SRGAP3: variants seen among roughly 807,000 people sequenced by gnomAD.
The protein encoded by SRGAP3 is SLIT-ROBO Rho GTPase activating protein 3, also known as SLIT-ROBO Rho GTPase-activating protein 3.
A neutral mutation model predicts 121.1 loss-of-function variants in SRGAP3; 39 were observed. The ratio of observed to expected loss-of-function variants is 0.32; its 90% CI spans 0.25 to 0.42. SRGAP3 has a LOEUF of 0.42. Ranked by LOEUF, SRGAP3 falls within the 10% of genes least tolerant of loss-of-function variation. The pLI, the probability that SRGAP3 is intolerant of heterozygous loss-of-function variation, is 1.00. For synonymous variants in SRGAP3, 601 were observed against 570.0 expected (o/e 1.05, Z -0.77); for missense variants, 1,213 against 1,470.6 (o/e 0.82, Z 2.86).
At chr3:9,184,504 A>C (rs1951534894) in intron 1 of SRGAP3, among the ~76,000 whole-genome samples, 1 of 152,196 alleles carries the variant, frequency 6.6e-6, no homozygotes, top group South Asian at 2.1e-4. Context: ...AGGAGGATGG[A>C]ATCAACCATC....
At chr3:8,998,319 A>G (rs531401964) in intron 18 of SRGAP3, among the ~76,000 whole-genome samples, 1 of 152,320 alleles carries the variant, frequency 6.6e-6, no homozygotes, top group South Asian at 2.1e-4. Flanking sequence ...ACAAATATGT[A>G]TTAATGCTAT....
intron 1 of SRGAP3, among the ~76,000 whole-genome samples, chr3:9,233,932 C>A (rs564027620): frequency 1.3e-5 from 2 of 152,330 alleles, no homozygotes; most frequent in African/African-American, 4.8e-5. Flanking sequence ...ACATTCTCAG[C>A]ATTTCTTTCA....
At chr3:9,113,570 T>C (rs1377808998) in intron 2 of SRGAP3, among the ~76,000 whole-genome samples, 2 of 152,290 alleles carry the variant, frequency 1.3e-5, no homozygotes, top group African/African-American at 2.4e-5. Flanking sequence ...GACATCAGCA[T>C]AGGAATTTTG....
chr3:9,251,579 C>T (rs1954019428), upstream of SRGAP3, among the ~76,000 whole-genome samples: 1 of 152,204 alleles, frequency 6.6e-6, no homozygotes, highest in Non-Finnish European at 1.5e-5. Context: ...AGAACTTGAG[C>T]AAGTGGCTCA....
In SRGAP3 at chr3:9,213,494, C is replaced by G. The variant is rs62244898; in HGVS notation, c.67+35391G>C. On this transcript the variant is annotated intron_variant, in intron 1 of 21. Coordinates refer to ENST00000383836, the MANE Select transcript of SRGAP3 (RefSeq NM_014850.4). Reference sequence around the variant, plus strand: ...AGCTCCCTGAGCTTCACGCCACATGCCCTAAGAGTGGTTTCATCTGTGCTG... The same window carrying G: ...AGCTCCCTGAGCTTCACGCCACATGGCCTAAGAGTGGTTTCATCTGTGCTG... Among the ~76,000 whole-genome samples, 93 of 152,302 alleles carry G rather than the reference C, an allele frequency of 6.1e-4. 1 individual carries two copies. The highest frequency in any genetic ancestry group is 1.3e-3 in the Non-Finnish European group (86 of 68,034).
At chr3:9,214,952 T>C (rs1288935331) in intron 1 of SRGAP3, among the ~76,000 whole-genome samples, 2 of 151,978 alleles carry the variant, frequency 1.3e-5, no homozygotes, top group African/African-American at 4.8e-5. Context: ...TTCTGAGTCC[T>C]GGTTCAAAGA....
chr3:9,149,182 C>T (rs531292671), intron 1 of SRGAP3, among the ~76,000 whole-genome samples: 12 of 149,950 alleles, frequency 8.0e-5, no homozygotes, highest in Admixed American at 8.0e-4. Context: ...CCACTGCACT[C>T]CAGCCCAGGT....
intron 12 of SRGAP3, among the ~76,000 whole-genome samples, chr3:9,029,065 C>T (rs1341400181): frequency 1.3e-5 from 2 of 152,116 alleles, no homozygotes; most frequent in Admixed American, 6.5e-5. Flanking sequence ...CTCAGCATCT[C>T]GACAGCTGGA....
In SRGAP3 at chr3:9,258,937, C is replaced by G. The variant is rs912840398; in HGVS notation, n.442+67073G>C. On this transcript the variant is annotated intron_variant and non_coding_transcript_variant, in intron 3 of 3. Transcript: ENST00000490889. The stretch of plus-strand genomic sequence containing the variant: ...GATCATAATAATTTCCCGTGGGCAG[C>G]CTGCGATGTCCTCCTCGCACTTAAG... Among the ~76,000 whole-genome samples, 4 of 152,192 alleles carry G rather than the reference C, an allele frequency of 2.6e-5. No individual in the cohort carries two copies. The South Asian group carries it at 6.2e-4, about 24-fold the overall frequency.
At chr3:9,082,428 T>C (rs1168631941) in intron 3 of SRGAP3, among the ~76,000 whole-genome samples, 1 of 152,232 alleles carries the variant, frequency 6.6e-6, no homozygotes, top group Non-Finnish European at 1.5e-5. Context: ...TTGCCCTCTA[T>C]GAACCAGGAA....
chr3:9,267,940 T>C (rs964910446), intron 3 of SRGAP3, among the ~76,000 whole-genome samples: 3 of 101,434 alleles, frequency 3.0e-5, no homozygotes, highest in Non-Finnish European at 7.5e-5. Context: ...ATTGCTGTTT[T>C]ACATGTTAAA....
At chr3:9,148,748 C>A (rs759568307) in intron 1 of SRGAP3, among the ~76,000 whole-genome samples, 5 of 152,174 alleles carry the variant, frequency 3.3e-5, no homozygotes, top group Non-Finnish European at 7.3e-5. Context: ...CTACCCCATG[C>A]TCCTCCCCAG....
intron 1 of SRGAP3, among the ~76,000 whole-genome samples, chr3:9,208,091 A>C (rs1163379562): frequency 6.6e-6 from 1 of 151,986 alleles, no homozygotes; most frequent in African/African-American, 2.4e-5. Flanking sequence ...CAAATGATTC[A>C]TCTTTGTGTG....
chr3:9,142,829 CTTTTT>C (rs397795766), intron 1 of SRGAP3, among the ~76,000 whole-genome samples: 7 of 90,826 alleles, frequency 7.7e-5, no homozygotes, highest in Admixed American at 1.6e-4. Flanking sequence ...GGGCAATTTC[CTTTTT>C]TTTTTTTTTT....
rs1559825202 is a variant in SRGAP3, at chr3:8,982,370, C to T, written c.*3149G>A. ...AACAAGTAGGTAAACACCACTTCCC[C>T]TTGTACAATTGGTTATATTGAAGAC... On this transcript the variant is annotated 3_prime_UTR_variant, in exon 22 of 22. Transcript: ENST00000383836. 1 of 226,132 alleles carries T rather than the reference C, an allele frequency of 4.4e-6. No individual in the cohort carries two copies. Among genetic ancestry groups the T allele is most frequent in the Non-Finnish European group, 8.8e-6 (1 of 113,410 alleles). 14.0% of individuals were successfully genotyped at this position (226,132 alleles called of 1,614,324 possible).
intron 2 of SRGAP3, among the ~76,000 whole-genome samples, chr3:9,328,875 A>G (rs1340109393): frequency 6.6e-6 from 1 of 152,242 alleles, no homozygotes; most frequent in African/African-American, 2.4e-5. Context: ...GATAATTTTT[A>G]GAGCTAACTA....
chr3:9,302,242 G>A (rs1340074357), intron 3 of SRGAP3, among the ~76,000 whole-genome samples: 2 of 152,180 alleles, frequency 1.3e-5, no homozygotes, highest in African/African-American at 4.8e-5. Context: ...AGGGGCCCTG[G>A]CCTTAGCAGT....
chr3:8,983,958 T>G lies in SRGAP3; in HGVS notation c.*1561A>C, dbSNP rs1306313575. On this transcript the variant is annotated 3_prime_UTR_variant, in exon 22 of 22. Transcript: ENST00000383836. The stretch of plus-strand genomic sequence containing the variant: ...AGCCCCTGGGTCTCGCAGGAGAGGG[T>G]AAGTAACAGCGGCCCACAGGGCACA... The G allele has an allele frequency of 4.4e-6, 1 of 229,622 alleles. No homozygotes were observed. Among genetic ancestry groups the G allele is most frequent in the Non-Finnish European group, 8.6e-6 (1 of 115,962 alleles). The allele number at this position is 229,622 out of a possible 1,614,324, so 14.2% of individuals were successfully genotyped here.
At chr3:9,119,198 A>T (rs1575101404) in intron 2 of SRGAP3, among the ~76,000 whole-genome samples, 1 of 152,144 alleles carries the variant, frequency 6.6e-6, no homozygotes, top group East Asian at 1.9e-4. Context: ...AGGCAGAAAC[A>T]GGAGACATCC....
Sources: allele counts gnomAD v4.1 joint callset (sites outside exome capture counted in the v4.1 genomes callset), GRCh38; gene constraint gnomAD v4.1.1; transcripts MANE v1.5; gene names NCBI Gene and HGNC (gene_info 2026-07-23, HGNC 2026-07-21).